FBXO11: variants seen among roughly 807,000 people sequenced by gnomAD.
The protein encoded by FBXO11 is F-box only protein 11.
Under a neutral mutation model 117.0 loss-of-function variants are expected in FBXO11, and 13 were observed. That is an observed-to-expected ratio of 0.11 (90% CI 0.07 to 0.18). The LOEUF is 0.18. Among genes scored for constraint, FBXO11 ranks in the 10% least tolerant of loss-of-function variants. The probability of loss-of-function intolerance (pLI) is 1.00; values close to 1 mark genes in which losing one functional copy is unlikely to be tolerated. For missense variants in FBXO11, 767 were observed against 1,164.4 expected (o/e 0.66, Z 4.97); for synonymous variants, 490 against 380.5 (o/e 1.29, Z -3.35).
At chr2:47,826,086 T>C (rs1558417008) in intron 11 of FBXO11, among the ~76,000 whole-genome samples, 1 of 151,928 alleles carries the variant, frequency 6.6e-6, no homozygotes, top group Non-Finnish European at 1.5e-5. Flanking sequence ...TGAGACGGAG[T>C]CTCACTTTGT....
chr2:47,808,886 A>G (rs138675156), intron 21 of FBXO11: 219 of 318,550 alleles, frequency 6.9e-4, no homozygotes, highest in East Asian at 4.7e-3. Flanking sequence ...TTGTAGAGAC[A>G]GGGTCTCCCT....
At chr2:47,860,001 G>C (rs1294136671) in intron 1 of FBXO11, among the ~76,000 whole-genome samples, 1 of 151,988 alleles carries the variant, frequency 6.6e-6, no homozygotes, top group African/African-American at 2.4e-5. Context: ...GCTGTCCATG[G>C]GCTAACTATA....
At chr2:47,852,445 A>C (rs1383391966) in intron 1 of FBXO11, among the ~76,000 whole-genome samples, 1 of 152,226 alleles carries the variant, frequency 6.6e-6, no homozygotes, top group East Asian at 1.9e-4. Context: ...TTACAAATCA[A>C]GTAATCACCC....
chr2:47,891,374 T>C (rs190803780), intron 1 of FBXO11, among the ~76,000 whole-genome samples: 1 of 152,340 alleles, frequency 6.6e-6, no homozygotes. Context: ...TTAAGTGAAA[T>C]CATGCAGTAT....
At chr2:47,891,468 A>G (rs758573478) in intron 1 of FBXO11, among the ~76,000 whole-genome samples, 5 of 152,248 alleles carry the variant, frequency 3.3e-5, no homozygotes, top group Non-Finnish European at 4.4e-5. Context: ...TTAAGACTGA[A>G]TAACATTCCA....
intron 1 of FBXO11, among the ~76,000 whole-genome samples, chr2:47,896,518 C>T (rs1241838367): frequency 1.3e-5 from 2 of 152,052 alleles, no homozygotes; most frequent in Admixed American, 6.6e-5. Context: ...TCTGTAGAGA[C>T]GGGGTTTCGC....
chr2:47,884,796 C>G (rs1263358042), intron 1 of FBXO11, among the ~76,000 whole-genome samples: 1 of 152,046 alleles, frequency 6.6e-6, no homozygotes, highest in African/African-American at 2.4e-5. Context: ...GCTGTTTAAT[C>G]AGAAAAACAC....
In FBXO11 at chr2:47,900,609, C is replaced by CACGTATACACACACGT. The variant is rs1553362071; in HGVS notation, c.232+4879_232+4880insACGTGTGTGTATACGT. Reference sequence around the variant, plus strand: ...ATATACGTATATACACACGTATACACACGTATATACACACGTATACACACA... The same window carrying CACGTATACACACACGT: ...ATATACGTATATACACACGTATACACACGTATACACACACGTACGTATATACACACGTATACACACA... On this transcript the variant is annotated intron_variant, in intron 1 of 22. Coordinates refer to ENST00000403359, the MANE Select transcript of FBXO11 (RefSeq NM_001190274.2). 4.8e-4 allele frequency among the ~76,000 whole-genome samples: 44 copies of CACGTATACACACACGT among 91,114 alleles called. 3 individuals carry two copies. Among genetic ancestry groups the CACGTATACACACACGT allele is most frequent in the Non-Finnish European group, 7.2e-4 (31 of 42,792 alleles). 59.8% of individuals were successfully genotyped at this position (91,114 alleles called of 152,430 possible). A position where few individuals can be genotyped will look rare whatever the true frequency, so the allele number is the denominator to read the frequency against.
rs769854268 is a variant in FBXO11, at chr2:47,809,274, A to G, written c.2447-8T>C. On this transcript the variant is annotated splice_polypyrimidine_tract_variant and splice_region_variant and intron_variant, in intron 20 of 22. Coordinates refer to ENST00000403359, the MANE Select transcript of FBXO11 (RefSeq NM_001190274.2). ...TGTTCATTATTTTGTTATCTGTAATAAAAGAAAGAATAAGTAAAAATTCAG... is the reference window on the plus strand; with the variant it reads ...TGTTCATTATTTTGTTATCTGTAATGAAAGAAAGAATAAGTAAAAATTCAG... The G allele has an allele frequency of 1.8e-5, 27 of 1,491,212 alleles. No homozygotes were observed. The South Asian group carries it at 2.6e-4, about 15-fold the overall frequency. 92.4% of individuals were successfully genotyped at this position (1,491,212 alleles called of 1,614,324 possible). A position where few individuals can be genotyped will look rare whatever the true frequency, so the allele number is the denominator to read the frequency against.
chr2:47,851,133 G>C (rs1673825426), intron 1 of FBXO11, among the ~76,000 whole-genome samples: 1 of 150,862 alleles, frequency 6.6e-6, no homozygotes, highest in African/African-American at 2.4e-5. Flanking sequence ...ATTAATTCAA[G>C]AACAGAATGA....
chr2:47,837,735 G>T lies in FBXO11; in HGVS notation c.587+1124C>A, dbSNP rs563154992. Among the ~76,000 whole-genome samples the T allele has an allele frequency of 6.6e-3, 1,001 of 152,026 alleles. 3 individuals are homozygous for T. Among genetic ancestry groups the T allele is most frequent in the Non-Finnish European group, 0.012 (786 of 67,976 alleles). ...TATAGCATATACAATTTTGTACTCT[G>T]TTCTTTTCTTTAAAAAACAGGGTCT... On this transcript the variant is annotated intron_variant, in intron 4 of 22. Coordinates refer to ENST00000403359, the MANE Select transcript of FBXO11 (RefSeq NM_001190274.2).
Position 47,824,775 on chromosome 2 carries a change from A to G in FBXO11, c.1399-1415T>C, listed in dbSNP as rs548864041. Reference sequence around the variant, plus strand: ...GTTTCTTCATACTTTGAATTTCTTAAATTTCCTATATAATGGACATGTTTT... The same window carrying G: ...GTTTCTTCATACTTTGAATTTCTTAGATTTCCTATATAATGGACATGTTTT... On this transcript the variant is annotated intron_variant, in intron 11 of 22. Coordinates refer to ENST00000403359, the MANE Select transcript of FBXO11 (RefSeq NM_001190274.2). Among the ~76,000 whole-genome samples, 5 of 152,268 alleles carry G rather than the reference A, an allele frequency of 3.3e-5. No homozygotes were observed. The South Asian group carries it at 8.3e-4, about 25-fold the overall frequency.
At chr2:47,893,063 A>C (rs1229892840) in intron 1 of FBXO11, among the ~76,000 whole-genome samples, 1 of 152,068 alleles carries the variant, frequency 6.6e-6, no homozygotes, top group Admixed American at 6.6e-5. Flanking sequence ...GCTGAGGCAC[A>C]AGAACTGCTT....
At chr2:47,828,193 T>A (rs569077025) in intron 11 of FBXO11, among the ~76,000 whole-genome samples, 1 of 152,012 alleles carries the variant, frequency 6.6e-6, no homozygotes, top group African/African-American at 2.4e-5. Context: ...CTTGCTCAGG[T>A]TGATCTTGAA....
rs1392096170 is a variant in FBXO11, at chr2:47,837,294, A to C, written c.588-1293T>G. On this transcript the variant is annotated intron_variant, in intron 4 of 22. Transcript: ENST00000403359. ...GTAATCCCAGCACTTTGGGAGGCCC[A>C]GGCAGGAGGATCACCTGAGGTCAGG... Among the ~76,000 whole-genome samples, 9 of 152,230 alleles carry C rather than the reference A, an allele frequency of 5.9e-5. No individual in the cohort carries two copies. The South Asian group carries it at 6.2e-4, about 11-fold the overall frequency.
chr2:47,879,459 G>T (rs1333803686), intron 1 of FBXO11, among the ~76,000 whole-genome samples: 2 of 152,120 alleles, frequency 1.3e-5, no homozygotes, highest in Non-Finnish European at 2.9e-5. Context: ...GCCTAATAAG[G>T]GAACTATAAT....
intron 1 of FBXO11, among the ~76,000 whole-genome samples, chr2:47,853,951 T>C (rs1472719169): frequency 6.6e-6 from 1 of 152,246 alleles, no homozygotes; most frequent in African/African-American, 2.4e-5. Flanking sequence ...TTCTAGAAGC[T>C]TAGAAGATAA....
chr2:47,874,030 T>G (rs187092142), intron 1 of FBXO11, among the ~76,000 whole-genome samples: 1 of 151,930 alleles, frequency 6.6e-6, no homozygotes, highest in Non-Finnish European at 1.5e-5. Context: ...CTGGCCAACA[T>G]AGTGAAACCC....
rs191923579 is a variant in FBXO11, at chr2:47,834,142, G to A, written c.934+437C>T. ...AGATGGGCAAATCACTTGAGGCCAGGAGTTTGAGACCAGCCTGGCCAACAT... is the reference window on the plus strand; with the variant it reads ...AGATGGGCAAATCACTTGAGGCCAGAAGTTTGAGACCAGCCTGGCCAACAT... On this transcript the variant is annotated intron_variant, in intron 7 of 22. Transcript: ENST00000403359. Among the ~76,000 whole-genome samples the A allele has an allele frequency of 7.8e-4, 119 of 152,278 alleles. 1 individual carries two copies. Among genetic ancestry groups the A allele is most frequent in the African/African-American group, 2.4e-3 (100 of 41,558 alleles).
Sources: allele counts gnomAD v4.1 joint callset (sites outside exome capture counted in the v4.1 genomes callset), GRCh38; gene constraint gnomAD v4.1.1; transcripts MANE v1.5; gene names NCBI Gene and HGNC (gene_info 2026-07-23, HGNC 2026-07-21).